Variants in NUP85 observed in about 807,000 individuals in gnomAD.
The protein encoded by NUP85 is nuclear pore complex protein Nup85.
Under a neutral mutation model 92.8 loss-of-function variants are expected in NUP85, and 23 were observed. That is an observed-to-expected ratio of 0.25 (90% confidence interval 0.18 to 0.35). The LOEUF (loss-of-function observed/expected upper bound fraction) is 0.35, where lower values mean the gene tolerates loss of function less well. Ranked by LOEUF, NUP85 falls within the 10% of genes least tolerant of loss-of-function variation. The pLI is 1.00. For missense variants in NUP85, 759 were observed against 822.8 expected, an observed-to-expected ratio of 0.92 and a Z score of 0.95; for synonymous variants, 314 against 306.9, an observed-to-expected ratio of 1.02 and a Z score of -0.24.
chr17:75,233,845 G>A (rs1183125979), intron 16 of NUP85, among the ~76,000 whole-genome samples: 7 of 152,120 alleles, frequency 4.6e-5, no homozygotes, highest in African/African-American at 2.4e-5. Flanking sequence ...TGATCCGCCT[G>A]CCTCGGCCTC....
rs2076048795 is a variant in NUP85, at chr17:75,231,302, C to T, written c.1095-38C>T. On this transcript the variant is annotated intron_variant, in intron 11 of 18. Coordinates refer to ENST00000245544, the MANE Select transcript of NUP85 (RefSeq NM_024844.5). The surrounding 1 kb of genome is among the most constrained non-coding windows in gnomAD (Gnocchi z 4.6). The stretch of plus-strand genomic sequence containing the variant: ...CACTCTTGTGGGACGCGGCCTGTGC[C>T]CTGATTTTCCTTCTTGCCTTGGTGT... 6.2e-7 allele frequency: 1 copy of T among 1,608,898 alleles called. No homozygotes were observed.
Position 75,205,814 on chromosome 17 carries a change from G to A in NUP85, c.33+20G>A. ...GTCACTGTAAGGGTACCCCGAACAGGCTTGCTCGTCCTTGCGGGTTGAGAA... is the reference window on the plus strand; with the variant it reads ...GTCACTGTAAGGGTACCCCGAACAGACTTGCTCGTCCTTGCGGGTTGAGAA... On this transcript the variant is annotated intron_variant, in intron 1 of 18. Transcript: ENST00000245544. 1.2e-6 allele frequency: 2 copies of A among 1,613,836 alleles called. No individual in the cohort carries two copies. Among genetic ancestry groups the A allele is most frequent in the Non-Finnish European group, 8.5e-7 (1 of 1,179,774 alleles).
At position 75,208,552 on chromosome 17, in the gene NUP85, A is replaced by T; in HGVS notation, c.59A>T (p.Lys20Met). 1 of 1,606,004 alleles carries T rather than the reference A, an allele frequency of 6.2e-7. No individual in the cohort carries two copies. Among genetic ancestry groups the T allele is most frequent in the Non-Finnish European group, 8.5e-7 (1 of 1,173,068 alleles). ...VTLIPGVNSK[K>M]NQMYFDWGPG... ...TTGATTCCAGGCGTGAATTCCAAGA[A>T]GAACCAAATGTATTTTGACTGGGGT... The change falls in exon 2 of 19, where the codon AAG becomes ATG. Residue 20 changes from lysine (K) to methionine (M), a missense_variant. Transcript: ENST00000245544.
chr17:75,210,260 T>C (rs1356481281), intron 3 of NUP85, among the ~76,000 whole-genome samples: 2 of 152,204 alleles, frequency 1.3e-5, no homozygotes, highest in African/African-American at 2.4e-5. Flanking sequence ...CACACAAGCA[T>C]GTGAGAGTCG....
In NUP85 at chr17:75,233,041, T is replaced by C; in HGVS notation, c.1515-17T>C. ...GGCCTGAGACTGCTGCTCTGATCTC[T>C]GGGCCGGGCCCTGCAGGTTCCTCAG... is the stretch of plus-strand genomic sequence containing the variant. On this transcript the variant is annotated splice_polypyrimidine_tract_variant and intron_variant, in intron 15 of 18. Transcript: ENST00000245544. 6.2e-7 allele frequency: 1 copy of C among 1,613,980 alleles called. No individual in the cohort carries two copies. The highest frequency in any genetic ancestry group is 8.5e-7 in the Non-Finnish European group (1 of 1,179,818).
In NUP85 at chr17:75,231,796, A is replaced by T. The variant is rs2076071896; in HGVS notation, c.1245-32A>T. 1 of 1,612,270 alleles carries T rather than the reference A, an allele frequency of 6.2e-7. No individual in the cohort carries two copies. Among genetic ancestry groups the T allele is most frequent in the Non-Finnish European group, 8.5e-7 (1 of 1,178,824 alleles). ...CCAGTCCTCGGAGCCATGAGGCAGC[A>T]CCTCATGTCTGTCCTCCTCGAACCT... On this transcript the variant is annotated intron_variant, in intron 13 of 18. Coordinates refer to ENST00000245544, the MANE Select transcript of NUP85 (RefSeq NM_024844.5). The surrounding 1 kb of genome is among the most constrained non-coding windows in gnomAD (Gnocchi z 4.6).
intron 14 of NUP85, 67 bp from the exon 15 acceptor site, chr17:75,232,784 C>T (rs2076124578): frequency 1.4e-6 from 2 of 1,452,208 alleles, no homozygotes; most frequent in South Asian, 1.1e-5. Context: ...CTCCGGTCCC[C>T]ACAGGGCTCA....
chr17:75,231,488 T>C lies in NUP85; in HGVS notation c.1178+65T>C. Reference sequence around the variant, plus strand: ...CCAGGCCCCCGAGGGTGGTGTGAACTGAATGCCTGAAAGGGAGGTTGGGCT... The same window carrying C: ...CCAGGCCCCCGAGGGTGGTGTGAACCGAATGCCTGAAAGGGAGGTTGGGCT... On this transcript the variant is annotated intron_variant, in intron 12 of 18. Transcript: ENST00000245544. The surrounding 1 kb of genome is among the most constrained non-coding windows in gnomAD (Gnocchi z 4.6). 6.2e-7 allele frequency: 1 copy of C among 1,608,064 alleles called. No homozygotes were observed. Among genetic ancestry groups the C allele is most frequent in the South Asian group, 1.1e-5 (1 of 90,952 alleles).
chr17:75,211,596 C>T (rs1010040737), intron 3 of NUP85, among the ~76,000 whole-genome samples: 2 of 152,014 alleles, frequency 1.3e-5, no homozygotes, highest in Non-Finnish European at 2.9e-5. Flanking sequence ...AGGGTTTCAC[C>T]AGGTTGGCCA....
chr17:75,223,023 ACT>A (rs1236736082), intron 7 of NUP85, among the ~76,000 whole-genome samples: 2 of 119,486 alleles, frequency 1.7e-5, no homozygotes, highest in Admixed American at 9.4e-5. Flanking sequence ...CGACAGCAAG[ACT>A]CTGTCTCAAA....
chr17:75,224,337 G>A lies in NUP85; in HGVS notation c.598-766G>A, dbSNP rs143803286. Among the ~76,000 whole-genome samples the A allele has an allele frequency of 9.9e-3, 1,493 of 151,338 alleles. 21 individuals are homozygous for A. The highest frequency in any genetic ancestry group is 0.035 in the African/African-American group (1,435 of 41,322). On this transcript the variant is annotated intron_variant, in intron 7 of 18. Coordinates refer to ENST00000245544, the MANE Select transcript of NUP85 (RefSeq NM_024844.5). Reference sequence around the variant, plus strand: ...TGGGATTACAGCTGTGAGCCACCACGCCCAGCCCTGTATTACCAGTTTTAA... The same window carrying A: ...TGGGATTACAGCTGTGAGCCACCACACCCAGCCCTGTATTACCAGTTTTAA...
intron 9 of NUP85, 83 bp downstream of exon 9, chr17:75,225,547 T>G (rs1034447731): frequency 2.5e-6 from 4 of 1,579,336 alleles, no homozygotes; most frequent in Non-Finnish European, 3.4e-6. Context: ...AGGAGCTTGG[T>G]CCTCCTTGGA....
intron 7 of NUP85, among the ~76,000 whole-genome samples, chr17:75,223,775 C>A (rs2075669778): frequency 6.6e-6 from 1 of 152,126 alleles, no homozygotes; most frequent in Non-Finnish European, 1.5e-5. Context: ...TATATTATTT[C>A]ATTTTAATTT....
intron 7 of NUP85, among the ~76,000 whole-genome samples, chr17:75,221,396 C>G (rs1288885639): frequency 6.6e-6 from 1 of 152,076 alleles, no homozygotes; most frequent in Non-Finnish European, 1.5e-5. Flanking sequence ...GCCTCAGCCT[C>G]CCAAAGTGCT....
At chr17:75,211,910 T>C in intron 3 of NUP85, 82 bp from the exon 4 acceptor site, 1 of 1,093,508 alleles carries the variant, frequency 9.1e-7, no homozygotes, top group Non-Finnish European at 1.4e-6. Context: ...AGCAAATTTC[T>C]GCATTTATTT....
intron 11 of NUP85, among the ~76,000 whole-genome samples, chr17:75,226,459 CAAG>C (rs895519599): frequency 6.6e-6 from 1 of 152,124 alleles, no homozygotes; most frequent in African/African-American, 2.4e-5. Context: ...GGTGGAAGGG[CAAG>C]AAGGACAAAC....
intron 7 of NUP85, among the ~76,000 whole-genome samples, chr17:75,220,261 ACTACAGGCGCGCGTCAC>A (rs142427387): frequency 0.14 from 20,770 of 151,598 alleles, 1,600 homozygotes; most frequent in Middle Eastern, 0.23. Context: ...AGTAGCTGGG[ACTACAGGCGCGCGTCAC>A]CATGCCCAGC....
chr17:75,234,699 C>A lies in NUP85; in HGVS notation c.1678C>A (p.Leu560Ile). Residue 560 changes from leucine (L) to isoleucine (I), a missense_variant, in exon 17 of 19, where the codon CTT (leucine) becomes ATT (isoleucine). Physicochemically the swap from Leu to Ile is conservative, Grantham distance 5. Transcript: ENST00000245544. ...GCGTTTTGCCGACGCAGCTTCTCTCCTTCTGTCCTTGATGACGTCTCGGAT... is the reference window on the plus strand; with the variant it reads ...GCGTTTTGCCGACGCAGCTTCTCTCATTCTGTCCTTGATGACGTCTCGGAT... The part of the protein sequence containing the change: ...EKRFADAASL[L>I]LSLMTSRIAP... 1 of 1,614,172 alleles carries A rather than the reference C, an allele frequency of 6.2e-7. No homozygotes were observed. The highest frequency in any genetic ancestry group is 8.5e-7 in the Non-Finnish European group (1 of 1,179,996).
rs1323862298 is a variant in NUP85 at position 75,206,858 on chromosome 17, C to T, written c.33+1064C>T. Among the ~76,000 whole-genome samples, 9 of 151,820 alleles carry T rather than the reference C, an allele frequency of 5.9e-5. No homozygotes were observed. In the East Asian group the frequency reaches 1.4e-3, roughly 23 times the overall value. ...GACTACAGGTGCCCGCCACCACGCC[C>T]GGCTAATTTTTTGTACTTTTTTGTA... On this transcript the variant is annotated intron_variant, in intron 1 of 18. Coordinates refer to ENST00000245544, the MANE Select transcript of NUP85 (RefSeq NM_024844.5).
Sources: allele counts gnomAD v4.1 joint callset (sites outside exome capture counted in the v4.1 genomes callset), GRCh38; gene constraint gnomAD v4.1.1; non-coding constraint Gnocchi (gnomAD v3.1); transcripts MANE v1.5; gene names NCBI Gene and HGNC (gene_info 2026-07-23, HGNC 2026-07-21).